Variants in KIF26B observed in about 807,000 individuals in gnomAD.
The protein encoded by KIF26B is kinesin-like protein KIF26B.
Under a neutral mutation model 151.2 loss-of-function variants are expected in KIF26B, and 63 were observed. That is an observed-to-expected ratio of 0.42 (90% CI 0.34 to 0.51). The LOEUF is 0.51. Ranked by LOEUF, KIF26B falls within the 20% of genes least tolerant of loss-of-function variation. The pLI is 0.07. For missense variants in KIF26B, 2,813 were observed against 2,913.6 expected, an observed-to-expected ratio of 0.97 and a Z score of 0.79; for synonymous variants, 1,357 against 1,262.1, an observed-to-expected ratio of 1.08 and a Z score of -1.59.
chr1:245,637,786 C>T (rs1205844738), intron 9 of KIF26B, among the ~76,000 whole-genome samples: 3 of 151,838 alleles, frequency 2.0e-5, no homozygotes, highest in Non-Finnish European at 2.9e-5. Flanking sequence ...GTTATTGGTG[C>T]CTTTGTCAAA....
chr1:245,161,766 G>C (rs1014273351), intron 2 of KIF26B, among the ~76,000 whole-genome samples: 1 of 152,186 alleles, frequency 6.6e-6, no homozygotes, highest in South Asian at 2.1e-4. Context: ...GCAAGGAACA[G>C]AGAAATCCAA....
chr1:245,591,266 G>C (rs985090974), intron 5 of KIF26B, among the ~76,000 whole-genome samples: 12 of 152,238 alleles, frequency 7.9e-5, no homozygotes, highest in African/African-American at 2.9e-4. Context: ...CAGCGACCAA[G>C]AGTCAGGATC....
At chr1:245,688,923 C>T in intron 12 of KIF26B, 116 bp downstream of exon 12, 3 of 1,314,340 alleles carry the variant, frequency 2.3e-6, no homozygotes, top group Non-Finnish European at 2.0e-6. Flanking sequence ...CCTGGCCTCT[C>T]CTTGCAGGTG....
chr1:245,531,765 C>T (rs1029292919), intron 4 of KIF26B, among the ~76,000 whole-genome samples: 9 of 152,176 alleles, frequency 5.9e-5, no homozygotes, highest in African/African-American at 2.2e-4. Context: ...GTCAAGCACC[C>T]TGTCATTAAG....
intron 2 of KIF26B, among the ~76,000 whole-genome samples, chr1:245,326,514 G>T (rs937588217): frequency 1.3e-5 from 2 of 152,184 alleles, no homozygotes; most frequent in Admixed American, 6.5e-5. Context: ...CCAGGCAAAG[G>T]TTCCGGACCA....
intron 2 of KIF26B, among the ~76,000 whole-genome samples, chr1:245,261,829 C>T (rs1670651250): frequency 6.6e-6 from 1 of 152,082 alleles, no homozygotes; most frequent in African/African-American, 2.4e-5. Context: ...GCAATCTACC[C>T]ACCTTGGCCT....
intron 10 of KIF26B, among the ~76,000 whole-genome samples, chr1:245,683,743 G>A (rs893729893): frequency 6.6e-6 from 1 of 152,164 alleles, no homozygotes; most frequent in Non-Finnish European, 1.5e-5. Flanking sequence ...GCAGTTTCCT[G>A]GCTAAAGGAA....
intron 2 of KIF26B, among the ~76,000 whole-genome samples, chr1:245,179,103 A>G (rs1362824705): frequency 6.6e-6 from 1 of 152,202 alleles, no homozygotes; most frequent in Admixed American, 6.5e-5. Flanking sequence ...ATTTAAAAAG[A>G]CTGCCCCTGT....
intron 2 of KIF26B, among the ~76,000 whole-genome samples, chr1:245,276,949 C>G (rs963998072): frequency 1.3e-5 from 2 of 152,018 alleles, no homozygotes; most frequent in Admixed American, 6.6e-5. Flanking sequence ...AGGGTGGAAC[C>G]TGATTTCAAT....
In KIF26B at chr1:245,688,796, G is replaced by A. The variant is rs539183690; in HGVS notation, c.5813G>A (p.Arg1938His). 1.9e-6 allele frequency: 3 copies of A among 1,580,000 alleles called. No homozygotes were observed. Among genetic ancestry groups the A allele is most frequent in the Admixed American group, 1.7e-5 (1 of 57,942 alleles). The change falls in exon 12 of 15, where the codon CGC (arginine) becomes CAC (histidine). Residue 1938 changes from arginine to histidine, a missense_variant. Arg to His is a conservative substitution (Grantham distance 29, BLOSUM62 0). Coordinates refer to ENST00000407071, the MANE Select transcript of KIF26B (RefSeq NM_018012.4). ...CGGAGCCTCAAGACCCCGAAGAAAC[G>A]CTCCAATCCAGGTAGGCGGCTGGGC... ...RCRSLKTPKK[R>H]SNPGSQRRRL...
At chr1:245,499,993 A>G (rs1660587822) in intron 4 of KIF26B, among the ~76,000 whole-genome samples, 1 of 152,194 alleles carries the variant, frequency 6.6e-6, no homozygotes, top group Non-Finnish European at 1.5e-5. Context: ...CTGACTTCCA[A>G]TGCGCACTTT....
chr1:245,289,964 C>T (rs1558376995), intron 2 of KIF26B, among the ~76,000 whole-genome samples: 1 of 152,136 alleles, frequency 6.6e-6, no homozygotes, highest in African/African-American at 2.4e-5. Context: ...AAAATACCCT[C>T]CCTCCCAAAC....
At chr1:245,692,309 T>TA (rs2044636028) in intron 12 of KIF26B, among the ~76,000 whole-genome samples, 1 of 152,038 alleles carries the variant, frequency 6.6e-6, no homozygotes, top group Non-Finnish European at 1.5e-5. Flanking sequence ...AAGCGTGGAA[T>TA]AGAGAACAGT....
intron 6 of KIF26B, among the ~76,000 whole-genome samples, chr1:245,604,263 C>T (rs942203610): frequency 4.6e-5 from 7 of 152,126 alleles, no homozygotes; most frequent in Admixed American, 3.3e-4. Context: ...GACAACAGTG[C>T]GAATAGTTAC....
intron 6 of KIF26B, among the ~76,000 whole-genome samples, chr1:245,604,982 G>A (rs889528937): frequency 3.3e-5 from 5 of 152,140 alleles, no homozygotes; most frequent in South Asian, 2.1e-4. Flanking sequence ...CCGAGCAGAC[G>A]TCCTTCCTGG....
At position 245,396,126 on chromosome 1, in the gene KIF26B, A is replaced by G. The variant is rs767018190; in HGVS notation, c.1000-23453A>G. Among the ~76,000 whole-genome samples, 21 of 152,232 alleles carry G rather than the reference A, an allele frequency of 1.4e-4. 1 individual carries two copies. In the Middle Eastern group the frequency reaches 0.01, roughly 74 times the overall value. On this transcript the variant is annotated intron_variant, in intron 3 of 14. Transcript: ENST00000407071. ...TCCTTATTTTTATAACAGAATACTGACTTTTTGTTTATATGGTTTCCAAAA... is the reference window on the plus strand; with the variant it reads ...TCCTTATTTTTATAACAGAATACTGGCTTTTTGTTTATATGGTTTCCAAAA...
intron 4 of KIF26B, among the ~76,000 whole-genome samples, chr1:245,452,515 C>A (rs1391379161): frequency 6.6e-6 from 1 of 152,146 alleles, no homozygotes; most frequent in East Asian, 1.9e-4. Context: ...GAGGAACCGT[C>A]CAACTGTTTT....
Position 245,367,444 on chromosome 1 carries a change from C to G in KIF26B, c.999+77C>G, listed in dbSNP as rs191034894. On this transcript the variant is annotated intron_variant, in intron 3 of 14. Transcript: ENST00000407071. The surrounding 1 kb of genome is among the most constrained non-coding windows in gnomAD (Gnocchi z 4.2). ...GAGAAGTAGGCAGCACTTCCTTCCG[C>G]TGCCTCCTCCCGGGAACCCTGTAAC... The G allele has an allele frequency of 7.7e-7, 1 of 1,304,766 alleles. No homozygotes were observed. Among genetic ancestry groups the G allele is most frequent in the East Asian group, 2.5e-5 (1 of 39,558 alleles). 80.8% of individuals were successfully genotyped at this position (1,304,766 alleles called of 1,614,324 possible).
At chr1:245,571,010 A>G (rs1311512910) in intron 5 of KIF26B, among the ~76,000 whole-genome samples, 1 of 152,220 alleles carries the variant, frequency 6.6e-6, no homozygotes, top group African/African-American at 2.4e-5. Flanking sequence ...TGATAATAGT[A>G]TCTGCTTTCT....
Sources: allele counts gnomAD v4.1 joint callset (sites outside exome capture counted in the v4.1 genomes callset), GRCh38; gene constraint gnomAD v4.1.1; non-coding constraint Gnocchi (gnomAD v3.1); transcripts MANE v1.5; gene names NCBI Gene and HGNC (gene_info 2026-07-23, HGNC 2026-07-21).